Variants in PDE4D observed in about 807,000 individuals in gnomAD.
PDE4D encodes 3',5'-cyclic-AMP phosphodiesterase 4D.
In PDE4D, 24 loss-of-function variants were observed where a neutral mutation model predicts 87.4. That is an observed-to-expected ratio of 0.27 (90% confidence interval 0.20 to 0.39). The LOEUF (loss-of-function observed/expected upper bound fraction) is 0.39, where lower values mean the gene tolerates loss of function less well. PDE4D is among the 10% of genes least tolerant of loss of function. The pLI, the probability that PDE4D is intolerant of heterozygous loss-of-function variation, is 1.00. For missense variants in PDE4D, 714 were observed against 1,041.0 expected (o/e 0.69, Z 4.32); for synonymous variants, 384 against 383.2 (o/e 1.00, Z -0.02).
chr5:59,117,067 T>C (rs1052264267), intron 5 of PDE4D, among the ~76,000 whole-genome samples: 1 of 152,162 alleles, frequency 6.6e-6, no homozygotes, highest in Non-Finnish European at 1.5e-5. Context: ...TGCCAGTTCC[T>C]TCATCTTAAT....
intron 1 of PDE4D, among the ~76,000 whole-genome samples, chr5:59,223,412 C>G (rs1257463101): frequency 6.6e-6 from 1 of 152,106 alleles, no homozygotes; most frequent in African/African-American, 2.4e-5. Context: ...CTGTACTCCA[C>G]TCTCCCCTGT....
At chr5:59,351,393 T>C (rs1316510876) in intron 1 of PDE4D, among the ~76,000 whole-genome samples, 1 of 152,216 alleles carries the variant, frequency 6.6e-6, no homozygotes, top group African/African-American at 2.4e-5. Context: ...TTTTTGTCAA[T>C]TTAGCCAACA....
chr5:59,004,484 A>T (rs530267561), intron 6 of PDE4D, among the ~76,000 whole-genome samples: 2 of 152,320 alleles, frequency 1.3e-5, no homozygotes, highest in Admixed American at 6.5e-5. Context: ...CATGAAAATG[A>T]ATACAGGGGT....
chr5:60,102,784 T>C (rs962887999), intron 2 of PDE4D, among the ~76,000 whole-genome samples: 6 of 152,112 alleles, frequency 3.9e-5, no homozygotes, highest in Non-Finnish European at 7.4e-5. Flanking sequence ...ATTTTAATAA[T>C]CAATTTGCTT....
At chr5:59,149,706 GTTTTTT>G (rs76421367) in intron 5 of PDE4D, among the ~76,000 whole-genome samples, 1 of 69,262 alleles carries the variant, frequency 1.4e-5, no homozygotes, top group Non-Finnish European at 2.6e-5. Context: ...CTCTCCTCGA[GTTTTTT>G]TTTTTTTTTT....
At chr5:60,252,147 T>C (rs1487006820) in intron 1 of PDE4D, among the ~76,000 whole-genome samples, 1 of 151,960 alleles carries the variant, frequency 6.6e-6, no homozygotes, top group Non-Finnish European at 1.5e-5. Flanking sequence ...CACTCTACAA[T>C]GTTTGCACAA....
intron 1 of PDE4D, among the ~76,000 whole-genome samples, chr5:59,680,556 G>T (rs1748835018): frequency 6.6e-6 from 1 of 152,070 alleles, no homozygotes; most frequent in Non-Finnish European, 1.5e-5. Flanking sequence ...TTTAAAATAA[G>T]TAACAGAACC....
At chr5:59,683,542 A>C (rs1580390839) in intron 1 of PDE4D, among the ~76,000 whole-genome samples, 1 of 152,186 alleles carries the variant, frequency 6.6e-6, no homozygotes, top group African/African-American at 2.4e-5. Flanking sequence ...TTGATACCTT[A>C]CATATTTCGA....
intron 1 of PDE4D, among the ~76,000 whole-genome samples, chr5:59,427,811 C>A (rs1437515745): frequency 1.4e-5 from 2 of 139,366 alleles, no homozygotes; most frequent in South Asian, 4.3e-4. Context: ...GACACAGACC[C>A]TGTCTCAAAA....
At chr5:60,489,293 A>G (rs1053999007), upstream of PDE4D, among the ~76,000 whole-genome samples, 3 of 152,236 alleles carry the variant, frequency 2.0e-5, no homozygotes, top group African/African-American at 2.4e-5. Flanking sequence ...ACATAACTAA[A>G]TCAATCCTTA....
intron 1 of PDE4D, among the ~76,000 whole-genome samples, chr5:59,772,097 A>G (rs1763642623): frequency 6.6e-6 from 1 of 152,230 alleles, no homozygotes; most frequent in Non-Finnish European, 1.5e-5. Context: ...AACTTGAAAA[A>G]GCCTGCAGTG....
chr5:59,635,757 G>A (rs1424382397), intron 1 of PDE4D, among the ~76,000 whole-genome samples: 2 of 152,164 alleles, frequency 1.3e-5, no homozygotes, highest in Non-Finnish European at 2.9e-5. Flanking sequence ...AGCTATTTAT[G>A]ACAAACCCAC....
chr5:60,180,717 A>G (rs1210101471), intron 2 of PDE4D, among the ~76,000 whole-genome samples: 1 of 152,162 alleles, frequency 6.6e-6, no homozygotes, highest in African/African-American at 2.4e-5. Flanking sequence ...AGGTATAAGG[A>G]CCAAAGGAGT....
At chr5:59,218,089 T>C (rs2153507517) in intron 1 of PDE4D, 1 of 380,444 alleles carries the variant, frequency 2.6e-6, no homozygotes, top group Non-Finnish European at 5.2e-6. Flanking sequence ...AACTTCTAAA[T>C]AGTGGGGGTT....
intron 1 of PDE4D, among the ~76,000 whole-genome samples, chr5:59,773,325 A>G (rs1763761971): frequency 1.3e-5 from 2 of 152,190 alleles, no homozygotes; most frequent in South Asian, 4.1e-4. Flanking sequence ...CAGAGCCTCT[A>G]TTTTGACTCT....
chr5:59,130,844 T>G (rs1776158570), intron 5 of PDE4D, among the ~76,000 whole-genome samples: 1 of 152,248 alleles, frequency 6.6e-6, no homozygotes, highest in Non-Finnish European at 1.5e-5. Flanking sequence ...ATAGCCCTTC[T>G]GCCTCATTCA....
At chr5:60,473,972 T>C (rs1446028777) in intron 1 of PDE4D, among the ~76,000 whole-genome samples, 2 of 150,572 alleles carry the variant, frequency 1.3e-5, no homozygotes, top group East Asian at 2.0e-4. Context: ...GTCACATCCT[T>C]GCCTCAAGGC....
intron 1 of PDE4D, among the ~76,000 whole-genome samples, chr5:60,274,643 G>C (rs1030165925): frequency 6.6e-6 from 1 of 152,186 alleles, no homozygotes; most frequent in African/African-American, 2.4e-5. Flanking sequence ...TCACAGGCAT[G>C]AGCCACCATG....
intron 1 of PDE4D, among the ~76,000 whole-genome samples, chr5:60,378,745 C>T (rs140431052): frequency 0.021 from 3,147 of 152,056 alleles, 54 homozygotes; most frequent in Non-Finnish European, 0.031. Context: ...CCCAGCTACT[C>T]AGGAGGCTGA....
Sources: gnomAD v4.1 joint callset for allele counts (sites outside exome capture counted in the v4.1 genomes callset) on GRCh38, gnomAD v4.1.1 for gene constraint, MANE v1.5 for transcripts, NCBI Gene and HGNC (gene_info 2026-07-23, HGNC 2026-07-21) for gene names.